The following SLIT3 variants were observed in gnomAD, a reference collection of about 807,000 sequenced individuals.
SLIT3 encodes slit guidance ligand 3.
A neutral mutation model predicts 184.0 loss-of-function variants in SLIT3; 68 were observed. The observed-to-expected ratio is 0.37, with a 90% CI of 0.30 to 0.45. The LOEUF is 0.45. SLIT3 is among the 20% of genes least tolerant of loss of function. The probability of loss-of-function intolerance (pLI) is 1.00; values close to 1 mark genes in which losing one functional copy is unlikely to be tolerated. For synonymous variants in SLIT3, 831 were observed against 828.6 expected, an observed-to-expected ratio of 1.00 and a Z score of -0.05; for missense variants, 1,707 against 2,026.0, an observed-to-expected ratio of 0.84 and a Z score of 3.02.
At chr5:169,037,450 G>A (rs1467209824) in intron 4 of SLIT3, among the ~76,000 whole-genome samples, 1 of 151,982 alleles carries the variant, frequency 6.6e-6, no homozygotes, top group African/African-American at 2.4e-5. Flanking sequence ...TGCTCAGTGG[G>A]AGTCAGGTTC....
intron 16 of SLIT3, among the ~76,000 whole-genome samples, chr5:168,757,901 C>G (rs146312069): frequency 1.3e-3 from 191 of 152,280 alleles, no homozygotes; most frequent in Admixed American, 4.0e-3. Context: ...GGATTTATTT[C>G]TATTATGTAA....
Position 168,774,354 on chromosome 5 carries a change from G to C in SLIT3, c.1176C>G (p.Asn392Lys). The C allele has an allele frequency of 2.5e-6, 4 of 1,613,330 alleles. No individual in the cohort carries two copies. The highest frequency in any genetic ancestry group is 3.4e-6 in the Non-Finnish European group (4 of 1,179,694). Residue 392 changes from asparagine (N) to lysine (K), a missense_variant, in exon 13 of 36, where the codon AAC becomes AAG. This residue lies in a region of SLIT3 where 1,307 missense variants were observed against 1,511.6 expected (regional missense o/e 0.86). Coordinates refer to ENST00000519560, the MANE Select transcript of SLIT3 (RefSeq NM_003062.4). Reference protein sequence around the residue: ...QLLLLNANKINCLRVNTFQDL... With the variant: ...QLLLLNANKIKCLRVNTFQDL... ...CCTGAAACGTGTTCACCCGCAGGCAGTTGATCTTGTTGGCATTGAGGAGGC... is the reference window on the plus strand; with the variant it reads ...CCTGAAACGTGTTCACCCGCAGGCACTTGATCTTGTTGGCATTGAGGAGGC...
intron 4 of SLIT3, among the ~76,000 whole-genome samples, chr5:169,051,783 A>G (rs1757824274): frequency 6.6e-6 from 1 of 152,180 alleles, no homozygotes; most frequent in Non-Finnish European, 1.5e-5. Flanking sequence ...AGGGCTTATG[A>G]GCCAGGTCGT....
chr5:168,705,576 C>T (rs1762351733), intron 26 of SLIT3, among the ~76,000 whole-genome samples: 1 of 152,192 alleles, frequency 6.6e-6, no homozygotes, highest in Non-Finnish European at 1.5e-5. Context: ...TCACCATCAA[C>T]ATCATGCACC....
chr5:168,871,366 A>G (rs1759511639), intron 5 of SLIT3, among the ~76,000 whole-genome samples: 1 of 152,102 alleles, frequency 6.6e-6, no homozygotes, highest in Non-Finnish European at 1.5e-5. Context: ...TTTTTAGAAG[A>G]GCCATTTTTC....
chr5:168,997,371 G>A (rs1386966098), intron 4 of SLIT3, among the ~76,000 whole-genome samples: 2 of 152,078 alleles, frequency 1.3e-5, no homozygotes, highest in African/African-American at 4.8e-5. Context: ...TTACTTTTCT[G>A]TACCCCCTGG....
At chr5:168,879,418 G>A (rs371600444) in intron 5 of SLIT3, among the ~76,000 whole-genome samples, 5 of 152,148 alleles carry the variant, frequency 3.3e-5, no homozygotes, top group African/African-American at 1.2e-4. Flanking sequence ...TCCTTAGCAG[G>A]TTTTATAGAA....
rs148922490 is a variant in SLIT3, at chr5:168,844,802, C to T, written c.486-147G>A. The T allele has an allele frequency of 6.7e-5, 43 of 644,664 alleles. No individual in the cohort carries two copies. The East Asian group carries it at 1.2e-3, about 17-fold the overall frequency. 39.9% of individuals were successfully genotyped at this position (644,664 alleles called of 1,614,324 possible). Reference sequence around the variant, plus strand: ...GCTCGTGCAGAGCCAGCCTGTCTGCCACGCTGCTCCGTCTCTCCTCTCTGA... The same window carrying T: ...GCTCGTGCAGAGCCAGCCTGTCTGCTACGCTGCTCCGTCTCTCCTCTCTGA... On this transcript the variant is annotated intron_variant, in intron 5 of 35. Transcript: ENST00000519560.
intron 27 of SLIT3, among the ~76,000 whole-genome samples, chr5:168,699,695 G>C (rs1385732260): frequency 6.6e-6 from 1 of 152,200 alleles, no homozygotes; most frequent in Non-Finnish European, 1.5e-5. Flanking sequence ...CAGGAGATAC[G>C]ACCTAGAGCA....
At chr5:168,723,469 T>C (rs891352638) in intron 21 of SLIT3, among the ~76,000 whole-genome samples, 2 of 152,270 alleles carry the variant, frequency 1.3e-5, no homozygotes, top group African/African-American at 2.4e-5. Context: ...TATTCACTTA[T>C]GCAGCTAGTC....
At position 168,978,246 on chromosome 5, in the gene SLIT3, T is replaced by C. The variant is rs577059628; in HGVS notation, c.414-94910A>G. On this transcript the variant is annotated intron_variant, in intron 4 of 35. Transcript: ENST00000519560. ...CGTAGAAGTTTCCATGTGCAGACAA[T>C]TGGAGGATTACCTAAGGTCTCATTT... Among the ~76,000 whole-genome samples the C allele has an allele frequency of 1.1e-4, 16 of 152,360 alleles. No homozygotes were observed. In the East Asian group the frequency reaches 2.5e-3, roughly 24 times the overall value.
At chr5:168,909,221 C>A (rs1761176423) in intron 4 of SLIT3, among the ~76,000 whole-genome samples, 1 of 152,210 alleles carries the variant, frequency 6.6e-6, no homozygotes, top group Non-Finnish European at 1.5e-5. Context: ...CATAGTCCTA[C>A]TTTTTATGGA....
At chr5:169,240,587 T>C (rs1413750494) in intron 3 of SLIT3, among the ~76,000 whole-genome samples, 2 of 149,808 alleles carry the variant, frequency 1.3e-5, no homozygotes, top group African/African-American at 2.4e-5. Flanking sequence ...TTCTTTTTTT[T>C]TTTTTTTTTT....
At chr5:169,021,135 A>G (rs1394764736) in intron 4 of SLIT3, among the ~76,000 whole-genome samples, 1 of 152,138 alleles carries the variant, frequency 6.6e-6, no homozygotes, top group Non-Finnish European at 1.5e-5. Flanking sequence ...TCTTCTGTCT[A>G]TAGATATATA....
chr5:169,216,179 C>G (rs544599601), intron 3 of SLIT3, among the ~76,000 whole-genome samples: 1 of 152,252 alleles, frequency 6.6e-6, no homozygotes, highest in East Asian at 1.9e-4. Context: ...CTCCCACCTG[C>G]CCTGATCAGC....
chr5:168,804,835 C>T lies in SLIT3; in HGVS notation c.935+1611G>A, dbSNP rs776792267. ...CAAGGTAAAGCCAAAGTCTTTAAAA[C>T]GTCCCAGGATGCGGCCCCTCCTTAC... On this transcript the variant is annotated intron_variant, in intron 9 of 35. Transcript: ENST00000519560. Among the ~76,000 whole-genome samples, 17 of 152,152 alleles carry T rather than the reference C, an allele frequency of 1.1e-4. 1 individual carries two copies. Among genetic ancestry groups the T allele is most frequent in the African/African-American group, 2.7e-4 (11 of 41,434 alleles).
chr5:168,708,412 C>A (rs1762442283), intron 25 of SLIT3: 3 of 413,576 alleles, frequency 7.3e-6, no homozygotes, highest in East Asian at 4.8e-5. Flanking sequence ...ATTAGAAACC[C>A]CCTGTGTATC....
Position 168,673,160 on chromosome 5 carries a change from G to A in SLIT3, c.3841+17C>T. 1 of 1,612,998 alleles carries A rather than the reference G, an allele frequency of 6.2e-7. No individual in the cohort carries two copies. Among genetic ancestry groups the A allele is most frequent in the Non-Finnish European group, 8.5e-7 (1 of 1,179,078 alleles). The stretch of plus-strand genomic sequence containing the variant: ...GGGCCAGAGGGAGGTAGAGGTGGTA[G>A]GGAAAGAGGGCATTACCTCCAAGGT... On this transcript the variant is annotated intron_variant, in intron 33 of 35. Coordinates refer to ENST00000519560, the MANE Select transcript of SLIT3 (RefSeq NM_003062.4).
intron 4 of SLIT3, among the ~76,000 whole-genome samples, chr5:169,125,874 T>A (rs1177172511): frequency 6.6e-6 from 1 of 152,202 alleles, no homozygotes; most frequent in Non-Finnish European, 1.5e-5. Flanking sequence ...CAAAGTTCTT[T>A]ATCTTTCCTC....
Sources: allele counts gnomAD v4.1 joint callset (sites outside exome capture counted in the v4.1 genomes callset), GRCh38; gene constraint gnomAD v4.1.1; regional missense constraint gnomAD v4.1.1; transcripts MANE v1.5; gene names NCBI Gene and HGNC (gene_info 2026-07-23, HGNC 2026-07-21).